MYO15A: variants seen among roughly 807,000 people sequenced by gnomAD.
MYO15A encodes the protein myosin XVA, also known as unconventional myosin-XV.
MYO15A carries 308 observed loss-of-function variants against 394.6 expected under a neutral mutation model. The observed-to-expected ratio is 0.78, with a 90% CI of 0.71 to 0.86. The LOEUF (loss-of-function observed/expected upper bound fraction) is 0.86. Ranked by LOEUF, MYO15A falls within the 40% of genes least tolerant of loss-of-function variation. The pLI is 0.00. For synonymous variants in MYO15A, 1,957 were observed against 2,003.8 expected, an observed-to-expected ratio of 0.98 and a Z score of 0.62; for missense variants, 4,606 against 4,799.1, an observed-to-expected ratio of 0.96 and a Z score of 1.19.
rs780278181 is a variant in MYO15A, at chr17:18,148,993, C to A, written c.6956+41C>A. The A allele has an allele frequency of 3.9e-6, 6 of 1,552,320 alleles. No individual in the cohort carries two copies. In the East Asian group the frequency reaches 1.2e-4, roughly 31 times the overall value. ...GGACCCCCTCACAGATGGCCACTCC[C>A]AGGCAGAAGGCCGGCCACTCCCAGG... is the stretch of plus-strand genomic sequence containing the variant. On this transcript the variant is annotated intron_variant, in intron 33 of 65. Coordinates refer to ENST00000647165, the MANE Select transcript of MYO15A (RefSeq NM_016239.4). The surrounding 1 kb of genome is among the most constrained non-coding windows in gnomAD (Gnocchi z 4.8).
chr17:18,142,191 G>A lies in MYO15A; in HGVS notation c.5762G>A (p.Arg1921Gln), dbSNP rs763685950. ...CTCCGTGGCTTCTTCATTAAGCGGC[G>A]ATTCCGCTCTCTGCGCCACAAGATC... ...RCLRGFFIKR[R>Q]FRSLRHKIIL... The change falls in exon 24 of 66, where the codon CGA becomes CAA. Residue 1921 changes from arginine to glutamine, a missense_variant. Arg to Gln is a conservative substitution (Grantham distance 43). Around this residue, in one of 2 missense-constraint regions of MYO15A, gnomAD observed 2,776 missense variants for 3,109.3 expected, o/e 0.89. Transcript: ENST00000647165. The A allele has an allele frequency of 2.7e-5, 43 of 1,613,674 alleles. No homozygotes were observed. Among genetic ancestry groups the A allele is most frequent in the Non-Finnish European group, 3.6e-5 (42 of 1,180,032 alleles).
chr17:18,120,149 T>G lies in MYO15A; in HGVS notation c.1349T>G (p.Phe450Cys), dbSNP rs771667265. Reference sequence around the variant, plus strand: ...GGCGTAGAGCGTCAGGGGACCTCCTTCCGCCTGCCCAGCGCCGCCTTCTTC... The same window carrying G: ...GGCGTAGAGCGTCAGGGGACCTCCTGCCGCCTGCCCAGCGCCGCCTTCTTC... ...DAGVERQGTS[F>C]RLPSAAFFEQ... is the part of the protein sequence containing the mutation. The change falls in exon 2 of 66, where the codon TTC (phenylalanine) becomes TGC (cysteine). Residue 450 changes from phenylalanine to cysteine, a missense_variant. Physicochemically the swap from Phe to Cys is radical, Grantham distance 205 (BLOSUM62 -2). Coordinates refer to ENST00000647165, the MANE Select transcript of MYO15A (RefSeq NM_016239.4). The G allele has an allele frequency of 6.2e-7, 1 of 1,612,898 alleles. No individual in the cohort carries two copies. The highest frequency in any genetic ancestry group is 8.5e-7 in the Non-Finnish European group (1 of 1,179,972).
chr17:18,167,641 C>G lies in MYO15A; in HGVS notation c.10000C>G (p.Pro3334Ala). 6.2e-7 allele frequency: 1 copy of G among 1,604,132 alleles called. No homozygotes were observed. The highest frequency in any genetic ancestry group is 8.5e-7 in the Non-Finnish European group (1 of 1,179,958). The change falls in exon 62 of 66, where the codon CCC becomes GCC. Residue 3334 changes from proline (P) to alanine (A), a missense_variant. Pro to Ala is a conservative substitution (Grantham distance 27). Around this residue, in one of 2 missense-constraint regions of MYO15A, gnomAD observed 2,776 missense variants for 3,109.3 expected, o/e 0.89. Transcript: ENST00000647165. ...CTTCAGCAGTGTGCCGGCCAGCCGG[C>G]CCAGCGAGCAGCTGCTGCAGCAGGT... ...GLFSSVPASRPSEQLLQQVSK... is the reference protein window; with the variant it reads ...GLFSSVPASRASEQLLQQVSK...
chr17:18,158,910 C>T lies in MYO15A; in HGVS notation c.9084-15C>T. The T allele has an allele frequency of 6.2e-7, 1 of 1,613,988 alleles. No individual in the cohort carries two copies. The highest frequency in any genetic ancestry group is 2.2e-5 in the East Asian group (1 of 44,882). On this transcript the variant is annotated splice_polypyrimidine_tract_variant and intron_variant, in intron 52 of 65. Coordinates refer to ENST00000647165, the MANE Select transcript of MYO15A (RefSeq NM_016239.4). The stretch of plus-strand genomic sequence containing the variant: ...TTGGGCAGGACAGGTCAGTAGCACC[C>T]ACCTCCCACTGCAGGGATGGCCTCA...
At position 18,151,406 on chromosome 17, in the gene MYO15A, C is replaced by T. The variant is rs1209761970; in HGVS notation, c.7666C>T (p.Pro2556Ser). Residue 2556 changes from proline (P) to serine (S), a missense_variant, in exon 40 of 66, where the codon CCA becomes TCA. Physicochemically the swap from Pro to Ser is moderately conservative, Grantham distance 74. Coordinates refer to ENST00000647165, the MANE Select transcript of MYO15A (RefSeq NM_016239.4). ...QASPETTSPS[P>S]ELVRYSTLNS... ...CCCCTTGCCCACAGCTTCACCCTCC[C>T]CAGAGCTGGTCCGGTACTCTACGCT... 11 of 1,614,216 alleles carry T rather than the reference C, an allele frequency of 6.8e-6. No homozygotes were observed. Among genetic ancestry groups the T allele is most frequent in the Non-Finnish European group, 8.5e-6 (10 of 1,180,032 alleles).
chr17:18,135,850 G>T, intron 13 of MYO15A, 26 bp downstream of exon 13: 1 of 1,598,312 alleles, frequency 6.3e-7, no homozygotes, highest in South Asian at 1.1e-5. Context: ...TCTGGCCTTC[G>T]AACAAAGCTT....
In MYO15A at chr17:18,151,848, AGGATGG is replaced by A; in HGVS notation, c.7791_7796del (p.Lys2597_Gly2599delinsAsn). 1 of 1,574,586 alleles carries A rather than the reference AGGATGG, an allele frequency of 6.4e-7. No individual in the cohort carries two copies. The highest frequency in any genetic ancestry group is 1.2e-5 in the South Asian group (1 of 85,548). On this transcript the variant is annotated inframe_deletion, in exon 41 of 66. Coordinates refer to ENST00000647165, the MANE Select transcript of MYO15A (RefSeq NM_016239.4). ...CCACAGTACTCCAATGCCCACAGGAAGGATGGCGGGAAAGTGTTCATGAAGCGGCCA... is the reference window on the plus strand; with the variant it reads ...CCACAGTACTCCAATGCCCACAGGAACGGGAAAGTGTTCATGAAGCGGCCA...
At chr17:18,125,996 C>G (rs2046030987) in intron 4 of MYO15A, among the ~76,000 whole-genome samples, 1 of 152,216 alleles carries the variant, frequency 6.6e-6, no homozygotes, top group African/African-American at 2.4e-5. Flanking sequence ...CCTGAGTTCC[C>G]CAACTCCTCA....
In MYO15A at chr17:18,163,770, G is replaced by A. The variant is rs1191066685; in HGVS notation, c.9719G>A (p.Cys3240Tyr). The A allele has an allele frequency of 5.6e-6, 9 of 1,613,870 alleles. No individual in the cohort carries two copies. The highest frequency in any genetic ancestry group is 2.7e-5 in the African/African-American group (2 of 74,938). The change falls in exon 60 of 66, where the codon TGT becomes TAT. Residue 3240 changes from cysteine to tyrosine, a missense_variant. Cys to Tyr is a radical substitution (Grantham distance 194). This residue lies in a region of MYO15A where 2,776 missense variants were observed against 3,109.3 expected (regional missense o/e 0.89). Transcript: ENST00000647165. ...GCCCTGGACGTGGTGGAAGAGATAT[G>A]TGCTGAGATGGCTCTGACACGCCCT... ...TVALDVVEEI[C>Y]AEMALTRPEA...
In MYO15A at chr17:18,120,691, GC is replaced by G; in HGVS notation, c.1894del (p.Gln632SerfsTer96). ...CGGCACGCCCATCGTGCTGAGGAGG[GC>G]CCAGCCACGCGCTCGCAGCAGCAAC... is the stretch of plus-strand genomic sequence containing the variant. ...KPGTPIVLRRAQPRARSSNDA... is the reference protein window; with the variant it reads ...KPGTPIVLRRXQPRARSSNDA... On this transcript the variant is annotated frameshift_variant, in exon 2 of 66. Transcript: ENST00000647165. LOFTEE classifies it high-confidence loss of function. 9 of 1,557,588 alleles carry G rather than the reference GC, an allele frequency of 5.8e-6. No homozygotes were observed. The highest frequency in any genetic ancestry group is 7.8e-6 in the Non-Finnish European group (9 of 1,159,412).
chr17:18,150,395 T>C lies in MYO15A; in HGVS notation c.7213-34T>C. 1 of 1,579,898 alleles carries C rather than the reference T, an allele frequency of 6.3e-7. No homozygotes were observed. Among genetic ancestry groups the C allele is most frequent in the Non-Finnish European group, 8.7e-7 (1 of 1,149,382 alleles). ...CCATGGAACCTTGGGAGTACAATAATGAGATGGTCACTTGAGCCACCCACT... is the reference window on the plus strand; with the variant it reads ...CCATGGAACCTTGGGAGTACAATAACGAGATGGTCACTTGAGCCACCCACT... On this transcript the variant is annotated intron_variant, in intron 35 of 65. Coordinates refer to ENST00000647165, the MANE Select transcript of MYO15A (RefSeq NM_016239.4). The surrounding 1 kb of genome is among the most constrained non-coding windows in gnomAD (Gnocchi z 4.4).
rs759217854 is a variant in MYO15A, at chr17:18,121,885, C to T, written c.3085C>T (p.Pro1029Ser). The T allele has an allele frequency of 1.9e-6, 3 of 1,612,982 alleles. No homozygotes were observed. Among genetic ancestry groups the T allele is most frequent in the African/African-American group, 1.3e-5 (1 of 74,924 alleles). ...GDPQLPAETK[P>S]PTPAPPKDVT... Reference sequence around the variant, plus strand: ...CCCCCAGCTGCCAGCAGAGACCAAGCCTCCAACCCCAGCACCTCCCAAGGA... The same window carrying T: ...CCCCCAGCTGCCAGCAGAGACCAAGTCTCCAACCCCAGCACCTCCCAAGGA... Residue 1029 changes from proline to serine, a missense_variant, in exon 2 of 66, where the codon CCT becomes TCT. This residue lies in a region of MYO15A where 1,830 missense variants were observed against 1,689.7 expected (regional missense o/e 1.08). Transcript: ENST00000647165. The surrounding 1 kb of genome is among the most constrained non-coding windows in gnomAD (Gnocchi z 5.3).
Position 18,121,616 on chromosome 17 carries a change from C to G in MYO15A, c.2816C>G (p.Pro939Arg). 6.3e-7 allele frequency: 1 copy of G among 1,599,406 alleles called. No homozygotes were observed. Among genetic ancestry groups the G allele is most frequent in the South Asian group, 1.1e-5 (1 of 88,958 alleles). The change falls in exon 2 of 66, where the codon CCA (proline) becomes CGA (arginine). Residue 939 changes from proline to arginine, a missense_variant. Physicochemically the swap from Pro to Arg is moderately radical, Grantham distance 103 (BLOSUM62 -2). This residue lies in a region of MYO15A where 1,830 missense variants were observed against 1,689.7 expected (regional missense o/e 1.08). Coordinates refer to ENST00000647165, the MANE Select transcript of MYO15A (RefSeq NM_016239.4). This position sits in a 1 kb window ranked among gnomAD's most constrained non-coding sequence, Gnocchi z 5.3. The part of the protein sequence containing the change: ...WDVDMPPTQR[P>R]PSPWPGGAGS... ...GTGGACATGCCTCCCACCCAACGCC[C>G]ACCCTCCCCCTGGCCAGGAGGTGCA...
intron 3 of MYO15A, chr17:18,124,926 C>T (rs910316619): frequency 9.1e-5 from 55 of 603,494 alleles, no homozygotes; most frequent in Non-Finnish European, 1.4e-4. Flanking sequence ...ACAGTGATTA[C>T]GTAAGAGTGT....
At chr17:18,164,522 G>A (rs912451256) in intron 60 of MYO15A, 10 of 154,786 alleles carry the variant, frequency 6.5e-5, no homozygotes, top group African/African-American at 2.2e-4. Flanking sequence ...TTTATTGAAC[G>A]GATGCTGTGC....
intron 65 of MYO15A, among the ~76,000 whole-genome samples, chr17:18,175,407 C>T (rs2047001420): frequency 6.6e-6 from 1 of 151,524 alleles, no homozygotes; most frequent in Non-Finnish European, 1.5e-5. Flanking sequence ...AATCCCACCT[C>T]AGCCTCCCAA....
In MYO15A at chr17:18,119,585, C is replaced by A. The variant is rs746407850; in HGVS notation, c.785C>A (p.Ala262Glu). The change falls in exon 2 of 66, where the codon GCG becomes GAG. Residue 262 changes from alanine (A) to glutamate (E), a missense_variant. Around this residue, in one of 2 missense-constraint regions of MYO15A, gnomAD observed 1,830 missense variants for 1,689.7 expected, o/e 1.08. Transcript: ENST00000647165. ...HRYEEQEPYL[A>E]GLGPYSPAWP... ...TACGAGGAGCAGGAACCCTACCTGGCGGGCCTCGGCCCCTACAGCCCGGCC... is the reference window on the plus strand; with the variant it reads ...TACGAGGAGCAGGAACCCTACCTGGAGGGCCTCGGCCCCTACAGCCCGGCC... 4 of 1,604,882 alleles carry A rather than the reference C, an allele frequency of 2.5e-6. No individual in the cohort carries two copies. Among genetic ancestry groups the A allele is most frequent in the East Asian group, 2.2e-5 (1 of 44,868 alleles).
chr17:18,124,609 G>T, intron 3 of MYO15A, 44 bp downstream of exon 3: 3 of 1,586,434 alleles, frequency 1.9e-6, no homozygotes, highest in Non-Finnish European at 2.6e-6. Context: ...GTCACCATGG[G>T]GTCCCCACCC....
intron 62 of MYO15A, among the ~76,000 whole-genome samples, chr17:18,169,157 T>TAATAATAATAATAAA (rs369888022): frequency 1.8e-4 from 17 of 92,130 alleles, no homozygotes; most frequent in East Asian, 6.6e-4. Flanking sequence ...ATAATAATAA[T>TAATAATAATAATAAA]AAAAATAGGC....
Sources: allele counts gnomAD v4.1 joint callset (sites outside exome capture counted in the v4.1 genomes callset), GRCh38; gene constraint gnomAD v4.1.1; regional missense constraint gnomAD v4.1.1; non-coding constraint Gnocchi (gnomAD v3.1); transcripts MANE v1.5; gene names NCBI Gene and HGNC (gene_info 2026-07-23, HGNC 2026-07-21).